The following MCM9 variants were observed in gnomAD, a reference collection of about 807,000 sequenced individuals.
MCM9 encodes the protein DNA helicase MCM9.
Under a neutral mutation model 72.8 loss-of-function variants are expected in MCM9, and 55 were observed. The observed-to-expected ratio is 0.76, with a 90% CI of 0.61 to 0.95. MCM9 has a LOEUF of 0.95. MCM9 is among the 40% of genes least tolerant of loss of function. The pLI is 0.00. For synonymous variants in MCM9, 480 were observed against 503.4 expected (o/e 0.95, Z 0.62); for missense variants, 1,279 against 1,377.0 (o/e 0.93, Z 1.13).
At chr6:118,912,258 ATTTT>A (rs1562434995) in intron 7 of MCM9, 2 of 152,254 alleles carry the variant, frequency 1.3e-5, no homozygotes, top group African/African-American at 2.4e-5. Flanking sequence ...ATTTTATTCT[ATTTT>A]TATTTAAGCA....
At chr6:118,881,435 T>A (rs921195756) in intron 8 of MCM9, among the ~76,000 whole-genome samples, 3 of 152,158 alleles carry the variant, frequency 2.0e-5, no homozygotes, top group Admixed American at 1.3e-4. Flanking sequence ...TTTGTTTGTA[T>A]CCTATGGTAA....
chr6:118,829,833 C>T (rs1774410472), intron 9 of MCM9, among the ~76,000 whole-genome samples: 1 of 151,962 alleles, frequency 6.6e-6, no homozygotes. Flanking sequence ...TGTGTATTCA[C>T]TCATTTTGTT....
chr6:118,893,963 C>CCCCGGCCA, intron 8 of MCM9: 1 of 969,012 alleles, frequency 1.0e-6, no homozygotes, highest in Non-Finnish European at 1.2e-6. Context: ...CACGCCCCCT[C>CCCCGGCCA]CGCCCCTCTC....
At chr6:118,821,713 T>C (rs1773825895) in intron 13 of MCM9, among the ~76,000 whole-genome samples, 1 of 152,216 alleles carries the variant, frequency 6.6e-6, no homozygotes, top group Non-Finnish European at 1.5e-5. Context: ...TCCAAGTGTG[T>C]TTTCCAACTT....
At chr6:118,817,630 T>C (rs1011254142) in intron 13 of MCM9, among the ~76,000 whole-genome samples, 2 of 152,230 alleles carry the variant, frequency 1.3e-5, no homozygotes, top group Admixed American at 6.5e-5. Context: ...GTAGAATGAT[T>C]TATAATCCTT....
chr6:118,921,950 A>G, intron 5 of MCM9, 55 bp downstream of exon 5: 1 of 1,372,004 alleles, frequency 7.3e-7, no homozygotes, highest in South Asian at 1.2e-5. Context: ...GGCTTTTCCT[A>G]ATCAATACTT....
chr6:118,893,949 C>CGGCCACGCCCCCTCCGCCCCT, intron 8 of MCM9: 2 of 930,172 alleles, frequency 2.2e-6, no homozygotes, highest in South Asian at 4.8e-5. Flanking sequence ...CTCCCCGCCG[C>CGGCCACGCCCCCTCCGCCCCT]GGCCACGCCC....
Position 118,922,074 on chromosome 6 carries a change from A to G in MCM9, c.634T>C (p.Ser212Pro). Residue 212 changes from serine to proline, a missense_variant, in exon 5 of 14, where the codon TCT becomes CCT. Physicochemically the swap from Ser to Pro is moderately conservative, Grantham distance 74 (BLOSUM62 -1). Transcript: ENST00000619706. ...ATAGATCGTGGAATACTTCCAACAG[A>G]TAGCCTTTGAACCTAGCAAAGAAAA... is the stretch of plus-strand genomic sequence containing the variant. ...IKIQEQVQRLSVGSIPRSMKV... is the reference protein window; with the variant it reads ...IKIQEQVQRLPVGSIPRSMKV... The G allele has an allele frequency of 6.2e-7, 1 of 1,612,404 alleles. No individual in the cohort carries two copies. Among genetic ancestry groups the G allele is most frequent in the Non-Finnish European group, 8.5e-7 (1 of 1,179,194 alleles).
intron 3 of MCM9, among the ~76,000 whole-genome samples, chr6:118,929,262 A>G (rs1357646142): frequency 6.6e-6 from 1 of 152,240 alleles, no homozygotes; most frequent in Non-Finnish European, 1.5e-5. Flanking sequence ...TGCATCACAC[A>G]TAAAAGTTTC....
At chr6:118,882,486 T>C (rs1173328788) in intron 8 of MCM9, among the ~76,000 whole-genome samples, 2 of 152,318 alleles carry the variant, frequency 1.3e-5, no homozygotes, top group Admixed American at 6.5e-5. Flanking sequence ...AGAGCACTTC[T>C]GGGGTCAGAA....
At chr6:118,843,642 A>ACG (rs1775559971) in intron 9 of MCM9, among the ~76,000 whole-genome samples, 161 of 3,390 alleles carry the variant, frequency 0.047, 3 homozygotes, top group African/African-American at 0.061. Context: ...AAAACAAAAC[A>ACG]TATATATATA....
intron 8 of MCM9, among the ~76,000 whole-genome samples, chr6:118,883,993 T>G (rs1778452110): frequency 6.6e-6 from 1 of 152,168 alleles, no homozygotes; most frequent in South Asian, 2.1e-4. Flanking sequence ...AAAAAGTATA[T>G]AATTGTATTG....
rs1651424897 is a variant in MCM9 at position 118,924,001 on chromosome 6, T to C, written c.431A>G (p.Asp144Gly). The C allele has an allele frequency of 6.8e-6, 11 of 1,614,080 alleles. No homozygotes were observed. The highest frequency in any genetic ancestry group is 9.3e-6 in the Non-Finnish European group (11 of 1,180,040). Reference sequence around the variant, plus strand: ...ATGCTTGCATTTGTTACACATGTAATCCCGCTCAAACTCCAGAACCTTCAC... The same window carrying C: ...ATGCTTGCATTTGTTACACATGTAACCCCGCTCAAACTCCAGAACCTTCAC... ...SLVKVLEFER[D>G]YMCNKCKHVF... Residue 144 changes from aspartate (D) to glycine (G), a missense_variant, in exon 4 of 14, where the codon GAT becomes GGT. Coordinates refer to ENST00000619706, the MANE Select transcript of MCM9 (RefSeq NM_017696.3).
intron 5 of MCM9, chr6:118,920,363 C>A (rs1163798732): frequency 6.6e-6 from 1 of 152,304 alleles, no homozygotes; most frequent in Non-Finnish European, 1.5e-5. Flanking sequence ...TCCGAAGACA[C>A]TGGCATCCTG....
At chr6:118,871,587 C>G (rs183120247) in intron 8 of MCM9, among the ~76,000 whole-genome samples, 11 of 152,290 alleles carry the variant, frequency 7.2e-5, no homozygotes, top group African/African-American at 2.4e-4. Context: ...TGCCCACTCT[C>G]GTCACTCCTG....
intron 6 of MCM9, among the ~76,000 whole-genome samples, chr6:118,915,857 G>A (rs1251023416): frequency 6.6e-6 from 1 of 152,028 alleles, no homozygotes; most frequent in African/African-American, 2.4e-5. Context: ...CCAATAAATG[G>A]CTCATGCAAC....
intron 13 of MCM9, among the ~76,000 whole-genome samples, chr6:118,819,337 T>C (rs1773633101): frequency 6.6e-6 from 1 of 152,226 alleles, no homozygotes; most frequent in Non-Finnish European, 1.5e-5. Flanking sequence ...GAAGGGGTGT[T>C]GAATTTTATT....
At chr6:118,837,213 A>G (rs1048639441) in intron 9 of MCM9, among the ~76,000 whole-genome samples, 1 of 152,184 alleles carries the variant, frequency 6.6e-6, no homozygotes, top group African/African-American at 2.4e-5. Context: ...ATTTGATTGC[A>G]CTGTGGTCTG....
intron 9 of MCM9, among the ~76,000 whole-genome samples, chr6:118,853,701 G>A (rs1776372238): frequency 6.6e-6 from 1 of 152,138 alleles, no homozygotes; most frequent in African/African-American, 2.4e-5. Context: ...AGCTACTCAG[G>A]GGTGGGTGAA....
Sources: allele counts gnomAD v4.1 joint callset (sites outside exome capture counted in the v4.1 genomes callset), GRCh38; gene constraint gnomAD v4.1.1; transcripts MANE v1.5; gene names NCBI Gene and HGNC (gene_info 2026-07-23, HGNC 2026-07-21).